Variants in ST7 observed in about 807,000 individuals in gnomAD.
The protein encoded by ST7 is suppressor of tumorigenicity 7 protein.
A neutral mutation model predicts 78.7 loss-of-function variants in ST7; 28 were observed. The ratio of observed to expected loss-of-function variants is 0.36; its 90% CI spans 0.26 to 0.49. The LOEUF is 0.49. Among genes scored for constraint, ST7 ranks in the 20% least tolerant of loss-of-function variants. The pLI is 0.99. For missense variants in ST7, 418 were observed against 696.0 expected (o/e 0.60, Z 4.49); for synonymous variants, 247 against 249.6 (o/e 0.99, Z 0.10).
chr7:117,020,338 A>G (rs1795823037), intron 1 of ST7: 1 of 465,270 alleles, frequency 2.1e-6, no homozygotes, highest in Admixed American at 3.7e-5. Context: ...GTCGGCCTTC[A>G]TTTGCCTAGT....
At chr7:117,207,110 G>T (rs1478537910) in intron 12 of ST7, among the ~76,000 whole-genome samples, 1 of 151,574 alleles carries the variant, frequency 6.6e-6, no homozygotes, top group Admixed American at 6.6e-5. Context: ...CCCCTCCCCT[G>T]CCAGGTTGAC....
rs545238437 is a variant in ST7 at position 117,179,917 on chromosome 7, G to A, written c.1078+8941G>A. Among the ~76,000 whole-genome samples the A allele has an allele frequency of 2.6e-5, 4 of 152,258 alleles. No homozygotes were observed. The East Asian group carries it at 7.7e-4, about 29-fold the overall frequency. On this transcript the variant is annotated intron_variant, in intron 10 of 15. Coordinates refer to ENST00000323984, the MANE Select transcript of ST7 (RefSeq NM_001369598.1). ...TGGAAGAGTGGAGTGCCACTGCAGT[G>A]GGCTGGCGAGGTGACCTCTGACACT...
At chr7:117,024,196 A>C (rs1490988596) in intron 1 of ST7, among the ~76,000 whole-genome samples, 1 of 152,174 alleles carries the variant, frequency 6.6e-6, no homozygotes, top group Non-Finnish European at 1.5e-5. Flanking sequence ...TAAGAGGAGA[A>C]AATATTTTTA....
At chr7:117,001,961 C>T (rs891630679) in intron 1 of ST7, among the ~76,000 whole-genome samples, 1 of 152,152 alleles carries the variant, frequency 6.6e-6, no homozygotes, top group Non-Finnish European at 1.5e-5. Context: ...CGTGGTGGCT[C>T]ACGCCTGTAA....
At position 117,143,234 on chromosome 7, in the gene ST7, C is replaced by T. The variant is rs557262724; in HGVS notation, c.963+4702C>T. Among the ~76,000 whole-genome samples, 21 of 152,252 alleles carry T rather than the reference C, an allele frequency of 1.4e-4. 1 individual carries two copies. Among genetic ancestry groups the T allele is most frequent in the African/African-American group, 2.6e-4 (11 of 41,552 alleles). On this transcript the variant is annotated intron_variant, in intron 9 of 15. Coordinates refer to ENST00000323984, the MANE Select transcript of ST7 (RefSeq NM_001369598.1). Reference sequence around the variant, plus strand: ...AGACTCTGGCGTTATCACCTTTCCCCGGTCTTTTTGCAGTTTCCTGTTGAC... The same window carrying T: ...AGACTCTGGCGTTATCACCTTTCCCTGGTCTTTTTGCAGTTTCCTGTTGAC...
Position 117,168,218 on chromosome 7 carries a change from C to G in ST7, c.964-2644C>G, listed in dbSNP as rs144069304. Among the ~76,000 whole-genome samples, 70 of 152,308 alleles carry G rather than the reference C, an allele frequency of 4.6e-4. 1 individual carries two copies. The highest frequency in any genetic ancestry group is 1.7e-3 in the African/African-American group (69 of 41,572). On this transcript the variant is annotated intron_variant, in intron 9 of 15. Transcript: ENST00000323984. ...TCAAATGAAAGCACTGCTCTTTAAG[C>G]TCCTAGCATCTTACCTTAAGTTCTG...
At chr7:117,183,856 CT>C (rs1416180401) in intron 10 of ST7, among the ~76,000 whole-genome samples, 1 of 152,186 alleles carries the variant, frequency 6.6e-6, no homozygotes, top group African/African-American at 2.4e-5. Flanking sequence ...TTCAAATGTC[CT>C]TTATCAAGAG....
chr7:116,996,082 GT>G (rs71148355), intron 1 of ST7, among the ~76,000 whole-genome samples: 300 of 130,266 alleles, frequency 2.3e-3, no homozygotes, highest in Non-Finnish European at 3.2e-3. Flanking sequence ...CAGATTCCCC[GT>G]TTTTTTTTTT....
At chr7:117,207,675 C>A (rs1023653677) in intron 12 of ST7, among the ~76,000 whole-genome samples, 1 of 152,178 alleles carries the variant, frequency 6.6e-6, no homozygotes, top group African/African-American at 2.4e-5. Flanking sequence ...ACCTGGGACA[C>A]ATGAGTTAGT....
intron 1 of ST7, among the ~76,000 whole-genome samples, chr7:117,074,509 C>T (rs1204794257): frequency 6.6e-6 from 1 of 151,636 alleles, no homozygotes; most frequent in African/African-American, 2.4e-5. Flanking sequence ...TATGGCGACC[C>T]CCCTCACCCC....
chr7:117,198,434 C>G (rs1810514381), intron 12 of ST7: 1 of 376,954 alleles, frequency 2.7e-6, no homozygotes, highest in Non-Finnish European at 5.3e-6. Context: ...ATGCCTTGGC[C>G]TTGAGGACCC....
chr7:117,000,625 A>G (rs982062330), intron 1 of ST7, among the ~76,000 whole-genome samples: 1 of 152,214 alleles, frequency 6.6e-6, no homozygotes, highest in Non-Finnish European at 1.5e-5. Flanking sequence ...TATCAAAGTA[A>G]TTGCATTATT....
intron 10 of ST7, among the ~76,000 whole-genome samples, chr7:117,176,676 G>T (rs1008506768): frequency 3.3e-5 from 5 of 152,144 alleles, no homozygotes; most frequent in African/African-American, 1.2e-4. Flanking sequence ...TTATGTTTGA[G>T]GAATAAGTAA....
In ST7 at chr7:117,148,957, C is replaced by G. The variant is rs189986846; in HGVS notation, c.963+10425C>G. Among the ~76,000 whole-genome samples, 3 of 152,252 alleles carry G rather than the reference C, an allele frequency of 2.0e-5. No homozygotes were observed. In the East Asian group the frequency reaches 5.8e-4, roughly 29 times the overall value. ...ACAGACTTATTTCAGACCTGGGCCA[C>G]CAGGAACAGAAACCAGAAAACAGGC... On this transcript the variant is annotated intron_variant, in intron 9 of 15. Transcript: ENST00000323984.
chr7:117,229,105 GAAAAGCAGAAA>G (rs1793621669), intron 15 of ST7, among the ~76,000 whole-genome samples: 2 of 152,242 alleles, frequency 1.3e-5, no homozygotes, highest in Admixed American at 1.3e-4. Context: ...TTCTCTACAT[GAAAAGCAGAAA>G]GGAATTTAGT....
intron 1 of ST7, among the ~76,000 whole-genome samples, chr7:116,991,927 A>AGTTTTGGGGC (rs1472503156): frequency 1.9e-4 from 29 of 152,180 alleles, no homozygotes; most frequent in African/African-American, 6.8e-4. Context: ...GGGCCCAACC[A>AGTTTTGGGGC]AGTCTAAAAT....
At chr7:117,154,796 G>A (rs183522842) in intron 9 of ST7, among the ~76,000 whole-genome samples, 1 of 152,254 alleles carries the variant, frequency 6.6e-6, no homozygotes, top group East Asian at 1.9e-4. Context: ...TTGATCTAGG[G>A]TGAGGGTGTT....
At chr7:117,059,822 A>AAG (rs1465772380) in intron 1 of ST7, among the ~76,000 whole-genome samples, 1 of 150,956 alleles carries the variant, frequency 6.6e-6, no homozygotes, top group East Asian at 1.9e-4. Context: ...AAAAAAAAAA[A>AAG]AAAAAAAAAA....
chr7:116,992,249 T>C (rs1171011857), intron 1 of ST7, among the ~76,000 whole-genome samples: 1 of 152,218 alleles, frequency 6.6e-6, no homozygotes, highest in Non-Finnish European at 1.5e-5. Context: ...TGACCCTTCA[T>C]TTCCCTTCTG....
Sources: gnomAD v4.1 joint callset for allele counts (sites outside exome capture counted in the v4.1 genomes callset) on GRCh38, gnomAD v4.1.1 for gene constraint, MANE v1.5 for transcripts, NCBI Gene and HGNC (gene_info 2026-07-23, HGNC 2026-07-21) for gene names.